The following CBR4 variants were observed in gnomAD, a reference collection of about 807,000 sequenced individuals.
The protein encoded by CBR4 is 3-oxoacyl-[acyl-carrier-protein] reductase.
In CBR4, 22 loss-of-function variants were observed where a neutral mutation model predicts 21.0. That is an observed-to-expected ratio of 1.05 (90% CI 0.75 to 1.50). CBR4 has a LOEUF of 1.50. Among genes scored for constraint, CBR4 ranks in the 40% most tolerant of loss-of-function variants. The pLI is 0.00. For synonymous variants in CBR4, 100 were observed against 104.4 expected, an observed-to-expected ratio of 0.96 and a Z score of 0.26; for missense variants, 302 against 286.3, an observed-to-expected ratio of 1.05 and a Z score of -0.40.
chr4:168,934,126 A>C (rs1300923434), intron 2 of CBR4, among the ~76,000 whole-genome samples: 1 of 152,014 alleles, frequency 6.6e-6, no homozygotes, highest in African/African-American at 2.4e-5. Context: ...ATAGTGGTGC[A>C]CACCTATAGC....
intron 2 of CBR4, chr4:168,926,438 C>CATATTCCTTTGTCACATTA: frequency 7.8e-7 from 1 of 1,286,218 alleles, no homozygotes; most frequent in Non-Finnish European, 1.1e-6. Context: ...CCTTGACCAA[C>CATATTCCTTTGTCACATTA]ATATTCCTTT....
intron 2 of CBR4, among the ~76,000 whole-genome samples, chr4:168,920,622 T>C (rs1304451312): frequency 1.3e-5 from 2 of 152,212 alleles, no homozygotes; most frequent in African/African-American, 4.8e-5. Context: ...AACATGTTAT[T>C]AGCAATTAAA....
chr4:169,002,209 G>T lies in CBR4; in HGVS notation c.401-4C>A. 5.3e-6 allele frequency: 4 copies of T among 752,872 alleles called. No individual in the cohort carries two copies. The highest frequency in any genetic ancestry group is 5.2e-5 in the South Asian group (1 of 19,266). 46.6% of individuals were successfully genotyped at this position (752,872 alleles called of 1,614,324 possible). On this transcript the variant is annotated splice_polypyrimidine_tract_variant and splice_region_variant and intron_variant, in intron 3 of 4. Transcript: ENST00000306193. ...CCTTTTAAGCCAACAATGCTTCCTA[G>T]GACAAAAAAAAAAAAAAAAAAAAAA... is the stretch of plus-strand genomic sequence containing the variant.
intron 2 of CBR4, among the ~76,000 whole-genome samples, chr4:168,901,975 G>C (rs1016600018): frequency 3.3e-5 from 5 of 152,220 alleles, no homozygotes; most frequent in African/African-American, 1.2e-4. Flanking sequence ...TTAGATTCTA[G>C]AGTTTAATAC....
chr4:168,999,319 T>A (rs560359733), intron 4 of CBR4, among the ~76,000 whole-genome samples: 1 of 152,290 alleles, frequency 6.6e-6, no homozygotes, highest in African/African-American at 2.4e-5. Flanking sequence ...GTGATGTTTG[T>A]TAGCTGTGTT....
At chr4:168,956,957 T>C (rs1315764748) in intron 2 of CBR4, among the ~76,000 whole-genome samples, 1 of 152,206 alleles carries the variant, frequency 6.6e-6, no homozygotes, top group Non-Finnish European at 1.5e-5. Flanking sequence ...ATGAGTAGTA[T>C]AAGACATCAC....
At chr4:168,952,631 C>T (rs1224340155) in intron 2 of CBR4, among the ~76,000 whole-genome samples, 2 of 150,086 alleles carry the variant, frequency 1.3e-5, no homozygotes, top group African/African-American at 5.1e-5. Flanking sequence ...GCACTCTCCC[C>T]TTTTTCCTAT....
intron 4 of CBR4, 118 bp downstream of exon 4, chr4:169,001,953 T>A: frequency 9.7e-7 from 1 of 1,029,706 alleles, no homozygotes; most frequent in Non-Finnish European, 1.3e-6. Flanking sequence ...TATTTGATTC[T>A]TTTCACAATC....
rs996843711 is a variant in CBR4 at position 169,006,386 on chromosome 4, TGAAAA to T, written c.400+364_400+368del. ...AAAATCAGAATGATCCAATTTCTCT[TGAAAA>T]ATCAAAATTGCTGGCAAAACTGGGA... On this transcript the variant is annotated intron_variant, in intron 3 of 4. Transcript: ENST00000306193. Among the ~76,000 whole-genome samples, 33 of 152,248 alleles carry T rather than the reference TGAAAA, an allele frequency of 2.2e-4. No individual in the cohort carries two copies. In the East Asian group the frequency reaches 4.4e-3, roughly 20 times the overall value.
At chr4:168,967,989 T>C (rs1215836284) in intron 2 of CBR4, among the ~76,000 whole-genome samples, 1 of 152,206 alleles carries the variant, frequency 6.6e-6, no homozygotes, top group Admixed American at 6.5e-5. Flanking sequence ...CTGATCTTTA[T>C]ACTCTCTTCT....
intron 2 of CBR4, among the ~76,000 whole-genome samples, chr4:168,900,082 CAG>C (rs1388139813): frequency 6.6e-6 from 1 of 152,158 alleles, no homozygotes; most frequent in East Asian, 1.9e-4. Flanking sequence ...GTAGGAGCAA[CAG>C]AGAGAAGTGG....
chr4:168,995,202 A>G (rs193221282), intron 4 of CBR4, among the ~76,000 whole-genome samples: 4 of 152,318 alleles, frequency 2.6e-5, no homozygotes, highest in Admixed American at 2.6e-4. Flanking sequence ...AGGTACATAG[A>G]GGTTAGAATA....
intron 2 of CBR4, among the ~76,000 whole-genome samples, chr4:168,982,102 C>T (rs1269302869): frequency 6.6e-6 from 1 of 152,148 alleles, no homozygotes. Flanking sequence ...GTTAAATGCA[C>T]CTCTTAAAAA....
chr4:168,909,106 G>A (rs1758388039), intron 2 of CBR4, among the ~76,000 whole-genome samples: 1 of 152,154 alleles, frequency 6.6e-6, no homozygotes. Flanking sequence ...ACACCAAAGA[G>A]AATGCCAAAA....
downstream of CBR4, among the ~76,000 whole-genome samples, chr4:168,984,993 T>A (rs1488659854): frequency 2.0e-5 from 3 of 152,060 alleles, no homozygotes; most frequent in Admixed American, 2.0e-4. Flanking sequence ...ATTCTGGACA[T>A]GGGCCCAGGT....
intron 2 of CBR4, among the ~76,000 whole-genome samples, chr4:168,945,913 C>T (rs28361879): frequency 0.68 from 103,248 of 152,044 alleles, 36,842 homozygotes; most frequent in East Asian, 0.96. Context: ...ACAGCAGACC[C>T]GCAAAGCTGA....
intron 2 of CBR4, among the ~76,000 whole-genome samples, chr4:168,905,487 T>C (rs1040645562): frequency 2.0e-5 from 3 of 152,138 alleles, no homozygotes; most frequent in Non-Finnish European, 1.5e-5. Context: ...ATAAAGTTTA[T>C]TCAAGGTTTA....
At position 168,935,417 on chromosome 4, in the gene CBR4, T is replaced by C. The variant is rs550550698; in HGVS notation, n.170-40652A>G. Among the ~76,000 whole-genome samples, 7 of 152,086 alleles carry C rather than the reference T, an allele frequency of 4.6e-5. No homozygotes were observed. In the East Asian group the frequency reaches 1.4e-3, roughly 29 times the overall value. On this transcript the variant is annotated intron_variant and non_coding_transcript_variant, in intron 2 of 3. Coordinates refer to the CBR4 transcript ENST00000509108. ...CTGGAACACCAGCGAGACAGAACCA[T>C]TCACTCCCTGGAAAGGGGGCTCAAG...
intron 2 of CBR4, among the ~76,000 whole-genome samples, chr4:168,950,859 T>C (rs551018422): frequency 6.6e-6 from 1 of 152,340 alleles, no homozygotes; most frequent in East Asian, 1.9e-4. Flanking sequence ...TTGTCTTTTT[T>C]AACTGCTGTT....
Sources: allele counts gnomAD v4.1 joint callset (sites outside exome capture counted in the v4.1 genomes callset), GRCh38; gene constraint gnomAD v4.1.1; transcripts MANE v1.5; gene names NCBI Gene and HGNC (gene_info 2026-07-23, HGNC 2026-07-21).